AUTS2: variants seen among roughly 807,000 people sequenced by gnomAD.
AUTS2 encodes autism susceptibility gene 2 protein.
In AUTS2, 17 loss-of-function variants were observed where a neutral mutation model predicts 112.4. The observed-to-expected ratio is 0.15, with a 90% CI of 0.10 to 0.23. AUTS2 has a LOEUF of 0.23. Among genes scored for constraint, AUTS2 ranks in the 10% least tolerant of loss-of-function variants. AUTS2 has a pLI of 1.00. For synonymous variants in AUTS2, 751 were observed against 702.7 expected, an observed-to-expected ratio of 1.07 and a Z score of -1.09; for missense variants, 1,510 against 1,701.6, an observed-to-expected ratio of 0.89 and a Z score of 1.98.
intron 1 of AUTS2, among the ~76,000 whole-genome samples, chr7:69,680,086 T>C (rs1157128903): frequency 3.9e-5 from 6 of 152,232 alleles, no homozygotes; most frequent in Non-Finnish European, 7.3e-5. Flanking sequence ...TCCTGTTACA[T>C]TGGAAAAATT....
chr7:69,790,141 A>T (rs905156202), intron 1 of AUTS2, among the ~76,000 whole-genome samples: 2 of 151,974 alleles, frequency 1.3e-5, no homozygotes, highest in Non-Finnish European at 2.9e-5. Flanking sequence ...TAAAAAAAAA[A>T]ATGGCTGAAT....
intron 5 of AUTS2, among the ~76,000 whole-genome samples, chr7:70,461,610 C>T (rs1350854973): frequency 6.6e-6 from 1 of 152,166 alleles, no homozygotes; most frequent in Non-Finnish European, 1.5e-5. Flanking sequence ...ATTGAGAAAG[C>T]ATTTACTTAT....
chr7:70,278,543 C>CTCCA (rs1376170345), intron 4 of AUTS2, among the ~76,000 whole-genome samples: 1 of 152,068 alleles, frequency 6.6e-6, no homozygotes, highest in Non-Finnish European at 1.5e-5. Context: ...TGTCACTGCA[C>CTCCA]TCCAGCCTGG....
chr7:70,327,990 G>A (rs1790569279), intron 4 of AUTS2, among the ~76,000 whole-genome samples: 1 of 152,074 alleles, frequency 6.6e-6, no homozygotes, highest in African/African-American at 2.4e-5. Flanking sequence ...TTGGATCCAT[G>A]GAACTCCTGG....
chr7:70,674,006 G>A (rs776460268), intron 5 of AUTS2, among the ~76,000 whole-genome samples: 65 of 152,256 alleles, frequency 4.3e-4, no homozygotes, highest in African/African-American at 1.4e-3. Flanking sequence ...TAATCAAGCC[G>A]GCTTTATGAG....
chr7:70,127,339 G>A (rs1198337384), intron 3 of AUTS2, among the ~76,000 whole-genome samples: 3 of 152,008 alleles, frequency 2.0e-5, no homozygotes, highest in African/African-American at 7.3e-5. Context: ...TCGCCATGTT[G>A]GCCAGGCTGG....
intron 2 of AUTS2, among the ~76,000 whole-genome samples, chr7:69,999,201 A>G (rs1251439052): frequency 6.6e-6 from 1 of 152,170 alleles, no homozygotes; most frequent in South Asian, 2.1e-4. Flanking sequence ...TGAACTCGAC[A>G]TAAATTTTCA....
chr7:70,779,269 A>G (rs1404279237), intron 14 of AUTS2, among the ~76,000 whole-genome samples: 1 of 152,190 alleles, frequency 6.6e-6, no homozygotes, highest in Non-Finnish European at 1.5e-5. Context: ...TTGAGCAGAA[A>G]TTACATCTTC....
intron 4 of AUTS2, among the ~76,000 whole-genome samples, chr7:70,252,144 A>G (rs1169883807): frequency 2.0e-5 from 3 of 152,208 alleles, no homozygotes; most frequent in Non-Finnish European, 4.4e-5. Context: ...TTGAATTTAT[A>G]TCAGAAGTAA....
chr7:70,063,237 C>A (rs192898405), intron 2 of AUTS2, among the ~76,000 whole-genome samples: 20 of 151,112 alleles, frequency 1.3e-4, no homozygotes, highest in African/African-American at 4.8e-4. Context: ...TGGTTATTCA[C>A]ATTGCCGATG....
chr7:70,561,044 A>G (rs1352225764), intron 5 of AUTS2, among the ~76,000 whole-genome samples: 1 of 152,236 alleles, frequency 6.6e-6, no homozygotes, highest in Non-Finnish European at 1.5e-5. Flanking sequence ...AAAAAAAGCA[A>G]GATGAATTGT....
At chr7:70,332,700 C>G (rs574379511) in intron 4 of AUTS2, among the ~76,000 whole-genome samples, 6 of 152,218 alleles carry the variant, frequency 3.9e-5, no homozygotes, top group African/African-American at 1.2e-4. Flanking sequence ...CTGACAAAAA[C>G]AAGCAATGAG....
At chr7:70,089,915 G>A (rs1252520120) in intron 2 of AUTS2, among the ~76,000 whole-genome samples, 1 of 152,026 alleles carries the variant, frequency 6.6e-6, no homozygotes, top group Non-Finnish European at 1.5e-5. Context: ...GCTGAGGCAG[G>A]TGAATTGCTT....
intron 2 of AUTS2, among the ~76,000 whole-genome samples, chr7:70,112,465 A>G (rs1805135884): frequency 6.6e-6 from 1 of 151,876 alleles, no homozygotes; most frequent in Non-Finnish European, 1.5e-5. Flanking sequence ...ACTAAGTCAA[A>G]CTTCATTTTT....
At chr7:70,548,065 G>A (rs1800860046) in intron 5 of AUTS2, among the ~76,000 whole-genome samples, 1 of 152,116 alleles carries the variant, frequency 6.6e-6, no homozygotes, top group South Asian at 2.1e-4. Flanking sequence ...TTCCAACTTT[G>A]TTCTTTTTCA....
At chr7:70,311,276 G>T (rs1410964893) in intron 4 of AUTS2, among the ~76,000 whole-genome samples, 1 of 152,210 alleles carries the variant, frequency 6.6e-6, no homozygotes, top group Non-Finnish European at 1.5e-5. Context: ...TGAGACTACT[G>T]TCTGGGTCAT....
intron 1 of AUTS2, among the ~76,000 whole-genome samples, chr7:69,863,540 A>G (rs2129533168): frequency 6.6e-6 from 1 of 152,304 alleles, no homozygotes; most frequent in East Asian, 1.9e-4. Context: ...TTTCTTAGGC[A>G]GTATTGTGTC....
chr7:70,239,222 T>C (rs930421753), intron 4 of AUTS2, among the ~76,000 whole-genome samples: 2 of 152,142 alleles, frequency 1.3e-5, no homozygotes, highest in African/African-American at 4.8e-5. Context: ...CCAGCCCCCA[T>C]GTCTTGGGGC....
At chr7:70,325,084 G>A (rs944194159) in intron 4 of AUTS2, among the ~76,000 whole-genome samples, 2 of 152,130 alleles carry the variant, frequency 1.3e-5, no homozygotes, top group Non-Finnish European at 2.9e-5. Flanking sequence ...AGTGCTAAGG[G>A]ACTTTTGGGG....
Sources: allele counts gnomAD v4.1 joint callset (sites outside exome capture counted in the v4.1 genomes callset), GRCh38; gene constraint gnomAD v4.1.1; transcripts MANE v1.5; gene names NCBI Gene and HGNC (gene_info 2026-07-23, HGNC 2026-07-21).